The following SREK1IP1 variants were observed in gnomAD, a reference collection of about 807,000 sequenced individuals.
The protein encoded by SREK1IP1 is protein SREK1IP1.
In SREK1IP1, 12 loss-of-function variants were observed where a neutral mutation model predicts 22.8. The observed-to-expected ratio is 0.53, with a 90% CI of 0.34 to 0.85. The LOEUF is 0.85. SREK1IP1 is among the 40% of genes least tolerant of loss of function. The pLI is 0.02. For missense variants in SREK1IP1, 147 were observed against 171.8 expected (o/e 0.86, Z 0.81); for synonymous variants, 53 against 52.7 (o/e 1.01, Z -0.02).
chr5:64,753,595 A>C (rs1397008732), intron 2 of SREK1IP1, among the ~76,000 whole-genome samples: 1 of 152,184 alleles, frequency 6.6e-6, no homozygotes, highest in African/African-American at 2.4e-5. Flanking sequence ...TTCTTGCATG[A>C]ACATCTTTTT....
rs1742223978 is a variant in SREK1IP1 at position 64,724,254 on chromosome 5, A to G, written c.*130T>C. 5 of 786,592 alleles carry G rather than the reference A, an allele frequency of 6.4e-6. No homozygotes were observed. The Admixed American group carries it at 1.1e-4, about 17-fold the overall frequency. 48.7% of individuals were successfully genotyped at this position (786,592 alleles called of 1,614,324 possible). A position where few individuals can be genotyped will look rare whatever the true frequency, so the allele number is the denominator to read the frequency against. On this transcript the variant is annotated 3_prime_UTR_variant, in exon 5 of 5. Transcript: ENST00000513458. ...TATTGCCAGAGGGATAATGGTCCCA[A>G]ATACGAAAAATGTCTATATGGAAAA...
At chr5:64,759,737 CAT>C (rs1241463451) in intron 1 of SREK1IP1, among the ~76,000 whole-genome samples, 2 of 148,784 alleles carry the variant, frequency 1.3e-5, no homozygotes, top group African/African-American at 5.2e-5. Context: ...GACTCTCAAA[CAT>C]GTGGAGATAT....
At chr5:64,739,147 AC>A (rs1013885952) in intron 3 of SREK1IP1, among the ~76,000 whole-genome samples, 1 of 152,098 alleles carries the variant, frequency 6.6e-6, no homozygotes, top group Admixed American at 6.6e-5. Context: ...CACCTTTTCA[AC>A]TGTAAAACTA....
chr5:64,763,322 G>A (rs1044532071), intron 1 of SREK1IP1, among the ~76,000 whole-genome samples: 11 of 152,014 alleles, frequency 7.2e-5, no homozygotes, highest in Non-Finnish European at 2.9e-5. Context: ...GCGGGTCACA[G>A]GGTCAGGAGA....
At position 64,719,905 on chromosome 5, in the gene SREK1IP1, G is replaced by C. The variant is rs1192215539; in HGVS notation, c.*4479C>G. On this transcript the variant is annotated 3_prime_UTR_variant, in exon 5 of 5. Coordinates refer to ENST00000513458, the MANE Select transcript of SREK1IP1 (RefSeq NM_173829.4). ...AACCTACTGTTCTTGGGCACCCAATGTCCAGGAAGTTTTGGTCTCAGCACT... is the reference window on the plus strand; with the variant it reads ...AACCTACTGTTCTTGGGCACCCAATCTCCAGGAAGTTTTGGTCTCAGCACT... The C allele has an allele frequency of 6.6e-6, 1 of 152,218 alleles. No homozygotes were observed. The highest frequency in any genetic ancestry group is 2.4e-5 in the African/African-American group (1 of 41,458). The allele number at this position is 152,218 out of a possible 1,614,324, so 9.4% of individuals were successfully genotyped here. A position where few individuals can be genotyped will look rare whatever the true frequency, so the allele number is the denominator to read the frequency against.
rs978865662 is a variant in SREK1IP1 at position 64,718,720 on chromosome 5, A to G, written c.*5664T>C. On this transcript the variant is annotated 3_prime_UTR_variant, in exon 5 of 5. Transcript: ENST00000513458. ...GAAATAAAACTAATTTCTGCAAATT[A>G]TAATTTTTAAAGATTTTTATTCATA... The G allele has an allele frequency of 2.0e-5, 3 of 152,178 alleles. No homozygotes were observed. Among genetic ancestry groups the G allele is most frequent in the African/African-American group, 4.8e-5 (2 of 41,462 alleles). 9.4% of individuals were successfully genotyped at this position (152,178 alleles called of 1,614,324 possible). A position where few individuals can be genotyped will look rare whatever the true frequency, so the allele number is the denominator to read the frequency against.
intron 1 of SREK1IP1, among the ~76,000 whole-genome samples, chr5:64,763,225 G>A (rs2432138): frequency 1.6e-4 from 24 of 151,872 alleles, no homozygotes; most frequent in Non-Finnish European, 3.4e-4. Context: ...CAATTAATCC[G>A]TGAAGAAAAA....
At chr5:64,768,303 T>TG (rs914833079) in intron 1 of SREK1IP1, among the ~76,000 whole-genome samples, 8 of 152,204 alleles carry the variant, frequency 5.3e-5, no homozygotes, top group Non-Finnish European at 1.2e-4. Context: ...GCTTGGCTCC[T>TG]GGGGGGAAGA....
chr5:64,758,029 C>A (rs757817726), intron 1 of SREK1IP1, among the ~76,000 whole-genome samples: 2 of 151,504 alleles, frequency 1.3e-5, no homozygotes, highest in Admixed American at 1.3e-4. Flanking sequence ...CCCGCCACCA[C>A]GCCAGGCTAA....
chr5:64,730,882 T>C (rs1410093322), intron 3 of SREK1IP1, among the ~76,000 whole-genome samples: 1 of 152,066 alleles, frequency 6.6e-6, no homozygotes, highest in South Asian at 2.1e-4. Flanking sequence ...TTTTGCTAGA[T>C]AAGGGTAAAA....
At chr5:64,746,788 C>T (rs1481721071) in intron 2 of SREK1IP1, among the ~76,000 whole-genome samples, 3 of 152,168 alleles carry the variant, frequency 2.0e-5, no homozygotes, top group African/African-American at 7.2e-5. Flanking sequence ...CTGTTACTAC[C>T]CAGGGTTAGC....
At chr5:64,756,633 CTT>C (rs1015747477) in intron 1 of SREK1IP1, among the ~76,000 whole-genome samples, 33 of 147,414 alleles carry the variant, frequency 2.2e-4, no homozygotes, top group Admixed American at 5.4e-4. Context: ...TTTCCTTTTC[CTT>C]TTTTTTTTAA....
At chr5:64,724,609 T>C (rs1362052970) in intron 4 of SREK1IP1, 36 bp from the exon 5 acceptor site, 2 of 1,407,824 alleles carry the variant, frequency 1.4e-6, no homozygotes, top group African/African-American at 1.4e-5. Context: ...GAGAATTGCA[T>C]TTATGACTGA....
chr5:64,766,646 A>G (rs1487180838), intron 1 of SREK1IP1, among the ~76,000 whole-genome samples: 1 of 152,240 alleles, frequency 6.6e-6, no homozygotes, highest in Non-Finnish European at 1.5e-5. Context: ...CATGGCCTAC[A>G]GGTCCTTAAA....
intron 2 of SREK1IP1, among the ~76,000 whole-genome samples, chr5:64,751,267 T>A (rs527938109): frequency 6.6e-6 from 1 of 152,250 alleles, no homozygotes; most frequent in African/African-American, 2.4e-5. Context: ...CCTCGGTTTA[T>A]GCCTATATTA....
At chr5:64,727,553 A>ATATATATATATATTTTTTTTTTTTT in intron 4 of SREK1IP1, 4 of 84,678 alleles carry the variant, frequency 4.7e-5, no homozygotes, top group African/African-American at 2.2e-4. Flanking sequence ...ATATATATAT[A>ATATATATATATATTTTTTTTTTTTT]TTTTTTTTTT....
chr5:64,747,433 CG>C (rs1742657422), intron 2 of SREK1IP1, among the ~76,000 whole-genome samples: 1 of 152,102 alleles, frequency 6.6e-6, no homozygotes, highest in Admixed American at 6.6e-5. Context: ...TCCTATCACC[CG>C]TATCACTCAG....
intron 2 of SREK1IP1, among the ~76,000 whole-genome samples, chr5:64,745,046 C>T (rs1742610360): frequency 6.6e-6 from 1 of 152,194 alleles, no homozygotes; most frequent in Non-Finnish European, 1.5e-5. Flanking sequence ...TTGAAAGTGT[C>T]ACTCCACAGC....
intron 4 of SREK1IP1, 128 bp from the exon 5 acceptor site, chr5:64,724,701 G>T: frequency 2.8e-6 from 2 of 719,776 alleles, no homozygotes; most frequent in Non-Finnish European, 4.2e-6. Flanking sequence ...CTTAAAAAAT[G>T]CTTCATATAT....
Sources: allele counts gnomAD v4.1 joint callset (sites outside exome capture counted in the v4.1 genomes callset), GRCh38; gene constraint gnomAD v4.1.1; transcripts MANE v1.5; gene names NCBI Gene and HGNC (gene_info 2026-07-23, HGNC 2026-07-21).